KIAA1586: variants seen among roughly 807,000 people sequenced by gnomAD.
KIAA1586 encodes the protein KIAA1586.
A neutral mutation model predicts 6.1 loss-of-function variants in KIAA1586; 5 were observed. That is an observed-to-expected ratio of 0.82 (90% confidence interval 0.43 to 1.73). KIAA1586 has a LOEUF of 1.73. Ranked by LOEUF, KIAA1586 falls within the 40% of genes most tolerant of loss-of-function variation. KIAA1586 has a pLI of 0.02. For synonymous variants in KIAA1586, 280 were observed against 301.7 expected (o/e 0.93, Z 0.75); for missense variants, 899 against 878.2 (o/e 1.02, Z -0.30).
chr6:57,053,865 AAAAATCAAACC>A lies in KIAA1586; in HGVS notation c.1369_1379del (p.Asn457AlafsTer7). 2 of 1,561,244 alleles carry A rather than the reference AAAAATCAAACC, an allele frequency of 1.3e-6. No homozygotes were observed. Among genetic ancestry groups the A allele is most frequent in the Non-Finnish European group, 1.7e-6 (2 of 1,154,362 alleles). On this transcript the variant is annotated frameshift_variant, in exon 4 of 4. Coordinates refer to ENST00000370733, the MANE Select transcript of KIAA1586 (RefSeq NM_020931.4). LOFTEE classifies it low-confidence loss of function (END_TRUNC). ...TTATTCTATTTATCATCAACCTAAT[AAAAATCAAACC>A]AAGCTTCTAGGAACTGTAGCTAAAG...
Position 57,053,598 on chromosome 6 carries a change from T to C in KIAA1586, c.1099T>C (p.Leu367=). The C allele has an allele frequency of 6.2e-7, 1 of 1,610,624 alleles. No homozygotes were observed. The highest frequency in any genetic ancestry group is 8.5e-7 in the Non-Finnish European group (1 of 1,177,674). Residue 367 remains leucine, a synonymous_variant, in exon 4 of 4, where the codon TTG becomes CTG. Transcript: ENST00000370733. ...TIAECIVNTL[L]TTLNDCGFTN... is the part of the protein sequence containing the mutation. ...AGCAGAGTGTATTGTCAATACATTA[T>C]TGACTACTTTAAATGATTGTGGTTT...
chr6:57,060,832 A>G, the KIAA1586 span, among the ~76,000 whole-genome samples: 3 of 152,108 alleles, frequency 2.0e-5, no homozygotes, highest in Non-Finnish European at 4.4e-5. Flanking sequence ...TATTTTTATT[A>G]TAGAAACTGG....
downstream of KIAA1586, among the ~76,000 whole-genome samples, chr6:57,055,486 G>A (rs1326680124): frequency 6.6e-6 from 1 of 151,690 alleles, no homozygotes; most frequent in Non-Finnish European, 1.5e-5. Flanking sequence ...TTCCAATATT[G>A]AATATAAACA....
In KIAA1586 at chr6:57,053,634, T is replaced by C; in HGVS notation, c.1135T>C (p.Tyr379His). ...AAATGATTGTGGTTTTACAAATGAA[T>C]ATTTGAAAGCAAATTTAATTGCATT... Reference protein sequence around the residue: ...TLNDCGFTNEYLKANLIAFCS... With the variant: ...TLNDCGFTNEHLKANLIAFCS... Residue 379 changes from tyrosine to histidine, a missense_variant, in exon 4 of 4, where the codon TAT (tyrosine) becomes CAT (histidine). Physicochemically the swap from Tyr to His is moderately conservative, Grantham distance 83. Transcript: ENST00000370733. 1 of 1,611,552 alleles carries C rather than the reference T, an allele frequency of 6.2e-7. No homozygotes were observed. Among genetic ancestry groups the C allele is most frequent in the Non-Finnish European group, 8.5e-7 (1 of 1,178,034 alleles).
In KIAA1586 at chr6:57,053,051, G is replaced by T. The variant is rs931098556; in HGVS notation, c.552G>T (p.Trp184Cys). The part of the protein sequence containing the change: ...AEKHVHVSKE[W>C]IAYLVTPNGS... ...AGCATGTCCATGTGTCCAAGGAATG[G>T]ATTGCATATTTAGTAACCCCTAATG... is the stretch of plus-strand genomic sequence containing the variant. The change falls in exon 4 of 4, where the codon TGG (tryptophan) becomes TGT (cysteine). Residue 184 changes from tryptophan (W) to cysteine (C), a missense_variant. Coordinates refer to ENST00000370733, the MANE Select transcript of KIAA1586 (RefSeq NM_020931.4). 6.2e-7 allele frequency: 1 copy of T among 1,613,466 alleles called. No homozygotes were observed. Among genetic ancestry groups the T allele is most frequent in the Non-Finnish European group, 8.5e-7 (1 of 1,179,774 alleles).
chr6:57,059,703 G>A (rs1828541584), downstream of KIAA1586, among the ~76,000 whole-genome samples: 1 of 151,880 alleles, frequency 6.6e-6, no homozygotes, highest in African/African-American at 2.4e-5. Flanking sequence ...AGACCTTACT[G>A]TTGACTTCAG....
Position 57,054,489 on chromosome 6 carries a change from T to C in KIAA1586, c.1990T>C (p.Tyr664His), listed in dbSNP as rs1036450887. ...TLFHLCKILK[Y>H]EVDLNDFREF... ...ATTTCATTTGTGTAAAATTTTAAAA[T>C]ATGAAGTTGATTTGAATGATTTTCG... Residue 664 changes from tyrosine (Y) to histidine (H), a missense_variant, in exon 4 of 4, where the codon TAT becomes CAT. Tyr to His is a moderately conservative substitution (Grantham distance 83). Coordinates refer to ENST00000370733, the MANE Select transcript of KIAA1586 (RefSeq NM_020931.4). The C allele has an allele frequency of 3.1e-6, 5 of 1,595,014 alleles. No individual in the cohort carries two copies. In the East Asian group the frequency reaches 8.9e-5, roughly 29 times the overall value.
In KIAA1586 at chr6:57,053,173, A is replaced by G. The variant is rs1288917589; in HGVS notation, c.674A>G (p.Glu225Gly). 1.9e-6 allele frequency: 3 copies of G among 1,608,788 alleles called. No homozygotes were observed. The highest frequency in any genetic ancestry group is 2.5e-6 in the Non-Finnish European group (3 of 1,178,474). ...AHGKIQDLLK[E>G]STNDSICNLV... ...GGTAAAATTCAGGATTTGTTAAAGG[A>G]ATCAACTAATGATTCAATTTGTAAT... Residue 225 changes from glutamate (E) to glycine (G), a missense_variant, in exon 4 of 4, where the codon GAA becomes GGA. Glu to Gly is a moderately conservative substitution (Grantham distance 98, BLOSUM62 -2). Coordinates refer to ENST00000370733, the MANE Select transcript of KIAA1586 (RefSeq NM_020931.4).
chr6:57,049,388 G>GA (rs1190612050), intron 2 of KIAA1586, among the ~76,000 whole-genome samples: 2 of 151,588 alleles, frequency 1.3e-5, no homozygotes, highest in Non-Finnish European at 2.9e-5. Context: ...CAGATTAAAA[G>GA]AAAAAAAAGT....
chr6:57,053,319 GA>G lies in KIAA1586; in HGVS notation c.827del (p.Asn276MetfsTer4). The stretch of plus-strand genomic sequence containing the variant: ...TATTGAGGGGGCAAGAGAATTACAG[GA>G]AAAAAATGGAGAGGTAAATTGTTTA... The part of the protein sequence containing the change: ...SDIEGARELQ[E>X]KNGEVNCLNT... On this transcript the variant is annotated frameshift_variant, in exon 4 of 4. Transcript: ENST00000370733. LOFTEE classifies it low-confidence loss of function (END_TRUNC). The G allele has an allele frequency of 1.2e-6, 2 of 1,611,684 alleles. No individual in the cohort carries two copies. The highest frequency in any genetic ancestry group is 2.2e-5 in the South Asian group (2 of 90,860).
chr6:57,054,718 G>A lies in KIAA1586; in HGVS notation c.2219G>A (p.Gly740Glu), dbSNP rs1471253870. 5 of 1,551,332 alleles carry A rather than the reference G, an allele frequency of 3.2e-6. No homozygotes were observed. Among genetic ancestry groups the A allele is most frequent in the Non-Finnish European group, 4.4e-6 (5 of 1,146,844 alleles). ...VSDLMTINLL[G>E]KELADWDATP... is the part of the protein sequence containing the mutation. ...GATTTAATGACAATAAATTTACTGG[G>A]GAAAGAATTAGCAGATTGGGATGCA... The change falls in exon 4 of 4, where the codon GGG becomes GAG. Residue 740 changes from glycine to glutamate, a missense_variant. By Grantham distance (98) the Gly-to-Glu change is moderately conservative. Transcript: ENST00000370733.
At chr6:57,050,930 T>C in intron 3 of KIAA1586, 76 bp downstream of exon 3, 1 of 1,072,978 alleles carries the variant, frequency 9.3e-7, no homozygotes, top group Non-Finnish European at 1.4e-6. Flanking sequence ...TTGAACTGGA[T>C]CATAAGAACT....
chr6:57,050,312 C>T (rs1405678579), intron 2 of KIAA1586, among the ~76,000 whole-genome samples: 1 of 150,902 alleles, frequency 6.6e-6, no homozygotes, highest in Non-Finnish European at 1.5e-5. Context: ...GACTCTTTTC[C>T]CATGCCTCTT....
At chr6:57,051,816 C>A (rs1451555729) in intron 3 of KIAA1586, among the ~76,000 whole-genome samples, 10 of 152,124 alleles carry the variant, frequency 6.6e-5, no homozygotes, top group African/African-American at 2.4e-4. Flanking sequence ...TGCCTATAGT[C>A]CCAACTAATT....
chr6:57,054,417 C>T lies in KIAA1586; in HGVS notation c.1918C>T (p.Pro640Ser). 6.2e-7 allele frequency: 1 copy of T among 1,609,334 alleles called. No individual in the cohort carries two copies. The highest frequency in any genetic ancestry group is 1.7e-4 in the Middle Eastern group (1 of 6,042). Residue 640 changes from proline to serine, a missense_variant, in exon 4 of 4, where the codon CCT becomes TCT. Coordinates refer to ENST00000370733, the MANE Select transcript of KIAA1586 (RefSeq NM_020931.4). ...YFDLLEPSTW[P>S]YEEITSPWIA... Reference sequence around the variant, plus strand: ...TGATTTGCTGGAACCTTCCACATGGCCTTATGAAGAAATAACTTCACCATG... The same window carrying T: ...TGATTTGCTGGAACCTTCCACATGGTCTTATGAAGAAATAACTTCACCATG...
At chr6:57,064,529 A>C in the KIAA1586 span, among the ~76,000 whole-genome samples, 1 of 152,194 alleles carries the variant, frequency 6.6e-6, no homozygotes, top group African/African-American at 2.4e-5. Context: ...TCATGCATTC[A>C]TCCAGTTTTG....
In KIAA1586 at chr6:57,054,676, C is replaced by T; in HGVS notation, c.2177C>T (p.Thr726Ile). 1 of 1,556,122 alleles carries T rather than the reference C, an allele frequency of 6.4e-7. No homozygotes were observed. Among genetic ancestry groups the T allele is most frequent in the Admixed American group, 1.9e-5 (1 of 51,720 alleles). ...TGTACAAGGGTGAGAAATAGTTTAA[C>T]AATAGATCATGTATCAGATTTAATG... is the stretch of plus-strand genomic sequence containing the variant. ...IICTRVRNSLTIDHVSDLMTI... is the reference protein window; with the variant it reads ...IICTRVRNSLIIDHVSDLMTI... Residue 726 changes from threonine to isoleucine, a missense_variant, in exon 4 of 4, where the codon ACA (threonine) becomes ATA (isoleucine). Coordinates refer to ENST00000370733, the MANE Select transcript of KIAA1586 (RefSeq NM_020931.4).
chr6:57,066,377 T>C, the KIAA1586 span, among the ~76,000 whole-genome samples: 1 of 152,204 alleles, frequency 6.6e-6, no homozygotes, highest in Non-Finnish European at 1.5e-5. Flanking sequence ...TGCCTTTGAT[T>C]TATCCTCTGA....
downstream of KIAA1586, among the ~76,000 whole-genome samples, chr6:57,055,908 A>G (rs967120399): frequency 3.9e-5 from 6 of 152,216 alleles, no homozygotes; most frequent in African/African-American, 1.4e-4. Flanking sequence ...CAGATGCAAA[A>G]TGAATTGGGT....
Sources: gnomAD v4.1 joint callset for allele counts (sites outside exome capture counted in the v4.1 genomes callset) on GRCh38, gnomAD v4.1.1 for gene constraint, MANE v1.5 for transcripts, NCBI Gene and HGNC (gene_info 2026-07-23, HGNC 2026-07-21) for gene names.